FRAS1: variants seen among roughly 807,000 people sequenced by gnomAD.
The protein encoded by FRAS1 is Fraser extracellular matrix complex subunit 1, also known as extracellular matrix organizing protein FRAS1.
In FRAS1, 290 loss-of-function variants were observed where a neutral mutation model predicts 435.2. The ratio of observed to expected loss-of-function variants is 0.67; its 90% CI spans 0.61 to 0.73. FRAS1 has a LOEUF of 0.73. Ranked by LOEUF, FRAS1 falls within the 30% of genes least tolerant of loss-of-function variation. The probability of loss-of-function intolerance (pLI) is 0.00; values close to 1 mark genes in which losing one functional copy is unlikely to be tolerated. For synonymous variants in FRAS1, 1,800 were observed against 1,851.0 expected (o/e 0.97, Z 0.71); for missense variants, 4,860 against 5,001.5 (o/e 0.97, Z 0.85).
intron 5 of FRAS1, among the ~76,000 whole-genome samples, chr4:78,253,516 G>C (rs1725644156): frequency 6.6e-6 from 1 of 152,190 alleles, no homozygotes; most frequent in Non-Finnish European, 1.5e-5. Context: ...CACAGTTTGT[G>C]TTCTTCTGCC....
intron 70 of FRAS1, among the ~76,000 whole-genome samples, chr4:78,533,885 G>C (rs996658662): frequency 6.6e-5 from 10 of 152,140 alleles, no homozygotes; most frequent in Non-Finnish European, 1.3e-4. Context: ...AGATCATCTT[G>C]GGTGAAGTTA....
At chr4:78,335,562 G>A (rs116945375) in intron 19 of FRAS1, among the ~76,000 whole-genome samples, 1 of 152,308 alleles carries the variant, frequency 6.6e-6, no homozygotes, top group East Asian at 1.9e-4. Context: ...CCTCTCAGTG[G>A]AGGAATGGCT....
chr4:78,131,392 C>T (rs181683788), intron 2 of FRAS1, among the ~76,000 whole-genome samples: 7 of 152,290 alleles, frequency 4.6e-5, no homozygotes, highest in African/African-American at 1.7e-4. Context: ...ACTCTTTATT[C>T]TTCTTTTGTC....
Position 78,058,001 on chromosome 4 carries a change from G to C in FRAS1, c.-9G>C, listed in dbSNP as rs780282144. On this transcript the variant is annotated 5_prime_UTR_variant, in exon 1 of 74. Coordinates refer to ENST00000512123, the MANE Select transcript of FRAS1 (RefSeq NM_025074.7). ...GCTGGGCTCCTCCATCGTGGGTGCC[G>C]AGGCGGCGATGGGTGTCCTCAAAGT... is the stretch of plus-strand genomic sequence containing the variant. 17 of 1,613,684 alleles carry C rather than the reference G, an allele frequency of 1.1e-5. No individual in the cohort carries two copies. The South Asian group carries it at 1.5e-4, about 15-fold the overall frequency.
At chr4:78,520,924 TTTTTG>T (rs1484906890) in intron 67 of FRAS1, among the ~76,000 whole-genome samples, 1 of 152,180 alleles carries the variant, frequency 6.6e-6, no homozygotes, top group East Asian at 1.9e-4. Context: ...TGAGCTCTTG[TTTTTG>T]TTTTGTTTTG....
chr4:78,093,532 A>G (rs1286310784), intron 2 of FRAS1, among the ~76,000 whole-genome samples: 1 of 152,238 alleles, frequency 6.6e-6, no homozygotes, highest in Non-Finnish European at 1.5e-5. Context: ...AGATTTAGTT[A>G]CTAGAATTAA....
intron 18 of FRAS1, chr4:78,319,577 G>A (rs752315062): frequency 6.1e-5 from 18 of 293,174 alleles, no homozygotes; most frequent in Non-Finnish European, 1.1e-4. Flanking sequence ...CTAAAGCTAC[G>A]TGAAAAAAAA....
intron 1 of FRAS1, among the ~76,000 whole-genome samples, chr4:78,059,878 G>A (rs1297887185): frequency 7.7e-6 from 1 of 130,266 alleles, no homozygotes; most frequent in Non-Finnish European, 1.6e-5. Context: ...GAAAGCTGGG[G>A]GTAGAGACGG....
At chr4:78,524,531 C>A (rs1721475505) in intron 69 of FRAS1, among the ~76,000 whole-genome samples, 1 of 152,140 alleles carries the variant, frequency 6.6e-6, no homozygotes, top group African/African-American at 2.4e-5. Flanking sequence ...AGATTAAAGA[C>A]AGGTGCCTAA....
At chr4:78,168,225 C>A (rs771095295) in intron 2 of FRAS1, among the ~76,000 whole-genome samples, 1 of 152,022 alleles carries the variant, frequency 6.6e-6, no homozygotes, top group Admixed American at 6.6e-5. Context: ...TAGAGCTCCT[C>A]TCTCTTGAAC....
chr4:78,307,387 T>G (rs964978544), intron 14 of FRAS1, among the ~76,000 whole-genome samples: 1 of 152,304 alleles, frequency 6.6e-6, no homozygotes, highest in Non-Finnish European at 1.5e-5. Context: ...TGTGGTGGGG[T>G]CCACCCAGTT....
intron 65 of FRAS1, among the ~76,000 whole-genome samples, chr4:78,515,017 G>A (rs57771713): frequency 0.14 from 20,872 of 148,456 alleles, 1,752 homozygotes; most frequent in Non-Finnish European, 0.2. Context: ...GCAGTGAGCC[G>A]AGATCGCACC....
At chr4:78,155,861 G>A (rs1720861594) in intron 2 of FRAS1, among the ~76,000 whole-genome samples, 1 of 152,068 alleles carries the variant, frequency 6.6e-6, no homozygotes, top group East Asian at 1.9e-4. Context: ...TGGTGAGTGG[G>A]CCATCAATGG....
chr4:78,290,803 C>CTT (rs56771542), intron 14 of FRAS1, among the ~76,000 whole-genome samples: 20 of 121,816 alleles, frequency 1.6e-4, no homozygotes, highest in African/African-American at 5.9e-4. Context: ...TATTTATTGC[C>CTT]TTTTTTTTTT....
intron 3 of FRAS1, among the ~76,000 whole-genome samples, chr4:78,244,996 A>G (rs1442311522): frequency 6.6e-6 from 1 of 152,174 alleles, no homozygotes; most frequent in East Asian, 1.9e-4. Context: ...ATGTGAAAAG[A>G]TGTAGAGTTT....
intron 15 of FRAS1, among the ~76,000 whole-genome samples, chr4:78,314,672 C>T (rs1729162970): frequency 6.6e-6 from 1 of 152,128 alleles, no homozygotes; most frequent in Admixed American, 6.5e-5. Flanking sequence ...TCCCATTTTT[C>T]CAGCCAAATG....
intron 3 of FRAS1, among the ~76,000 whole-genome samples, chr4:78,243,420 A>G (rs1560599367): frequency 6.6e-6 from 1 of 152,118 alleles, no homozygotes; most frequent in Non-Finnish European, 1.5e-5. Context: ...TTTCTAAACC[A>G]CAACACTGCA....
chr4:78,512,172 T>A (rs554905426), intron 64 of FRAS1, among the ~76,000 whole-genome samples: 3 of 152,232 alleles, frequency 2.0e-5, no homozygotes, highest in Non-Finnish European at 4.4e-5. Flanking sequence ...GAAATGGATG[T>A]TTTCATTTTT....
intron 70 of FRAS1, among the ~76,000 whole-genome samples, chr4:78,529,408 C>T (rs1367943834): frequency 6.6e-6 from 1 of 152,086 alleles, no homozygotes; most frequent in Non-Finnish European, 1.5e-5. Flanking sequence ...CCTTAAGAAA[C>T]TCAAGAAACA....
Sources: allele counts gnomAD v4.1 joint callset (sites outside exome capture counted in the v4.1 genomes callset), GRCh38; gene constraint gnomAD v4.1.1; transcripts MANE v1.5; gene names NCBI Gene and HGNC (gene_info 2026-07-23, HGNC 2026-07-21).